The following GPC5 variants were observed in gnomAD, a reference collection of about 807,000 sequenced individuals.
The protein encoded by GPC5 is glypican-5.
In GPC5, 47 loss-of-function variants were observed where a neutral mutation model predicts 53.9. That is an observed-to-expected ratio of 0.87 (90% CI 0.69 to 1.11). The LOEUF (loss-of-function observed/expected upper bound fraction) is 1.11, where lower values mean the gene tolerates loss of function less well. Ranked by LOEUF, GPC5 falls within the 50% of genes most tolerant of loss-of-function variation. The probability of loss-of-function intolerance (pLI) is 0.00; values close to 1 mark genes in which losing one functional copy is unlikely to be tolerated. For synonymous variants in GPC5, 286 were observed against 263.3 expected (o/e 1.09, Z -0.84); for missense variants, 748 against 713.1 (o/e 1.05, Z -0.56).
At position 92,363,277 on chromosome 13, in the gene GPC5, G is replaced by A. The variant is rs544360777; in HGVS notation, c.1561+218288G>A. Among the ~76,000 whole-genome samples, 20 of 151,684 alleles carry A rather than the reference G, an allele frequency of 1.3e-4. 2 individuals carry two copies. The highest frequency in any genetic ancestry group is 4.9e-4 in the African/African-American group (20 of 41,004). On this transcript the variant is annotated intron_variant, in intron 7 of 7. Coordinates refer to ENST00000377067, the MANE Select transcript of GPC5 (RefSeq NM_004466.6). Reference sequence around the variant, plus strand: ...TAATACATGTGTTACTGGGCTACTGGATAGAATTGTCAGAAGGTTATCATC... The same window carrying A: ...TAATACATGTGTTACTGGGCTACTGAATAGAATTGTCAGAAGGTTATCATC...
chr13:92,059,000 TA>T (rs1411027595), intron 6 of GPC5, among the ~76,000 whole-genome samples: 1 of 152,214 alleles, frequency 6.6e-6, no homozygotes, highest in African/African-American at 2.4e-5. Flanking sequence ...TTTTTGCTCA[TA>T]AAAAACTTGA....
At chr13:92,381,207 A>G (rs1300953221) in intron 7 of GPC5, among the ~76,000 whole-genome samples, 1 of 152,172 alleles carries the variant, frequency 6.6e-6, no homozygotes. Context: ...TTCTCTACTC[A>G]TAACAAAGTT....
chr13:92,077,774 C>T (rs1460368787), intron 6 of GPC5, among the ~76,000 whole-genome samples: 1 of 152,010 alleles, frequency 6.6e-6, no homozygotes, highest in African/African-American at 2.4e-5. Context: ...GAGAAACTGT[C>T]CTTTAAGGAC....
In GPC5 at chr13:92,201,426, G is replaced by T. The variant is rs143013051; in HGVS notation, c.1561+56437G>T. On this transcript the variant is annotated intron_variant, in intron 7 of 7. Coordinates refer to ENST00000377067, the MANE Select transcript of GPC5 (RefSeq NM_004466.6). Reference sequence around the variant, plus strand: ...AGTGTTGGGTTCAACTGTCATAGAAGATATCTTTAAAACAGGTTACACTAT... The same window carrying T: ...AGTGTTGGGTTCAACTGTCATAGAATATATCTTTAAAACAGGTTACACTAT... Among the ~76,000 whole-genome samples the T allele has an allele frequency of 3.3e-3, 504 of 152,238 alleles. 1 individual carries two copies. The highest frequency in any genetic ancestry group is 0.011 in the African/African-American group (475 of 41,538).
chr13:92,080,218 G>A (rs532860690), intron 6 of GPC5, among the ~76,000 whole-genome samples: 3 of 151,774 alleles, frequency 2.0e-5, no homozygotes, highest in Admixed American at 6.6e-5. Context: ...CTGCACCATC[G>A]TTCTCCACAG....
intron 3 of GPC5, among the ~76,000 whole-genome samples, chr13:91,695,459 C>T (rs781286843): frequency 3.9e-5 from 6 of 152,212 alleles, no homozygotes; most frequent in Admixed American, 6.5e-5. Context: ...CTGCAAGCTC[C>T]GCCTTCCGGG....
intron 2 of GPC5, among the ~76,000 whole-genome samples, chr13:91,623,875 T>C (rs2033931575): frequency 6.6e-6 from 1 of 152,084 alleles, no homozygotes; most frequent in African/African-American, 2.4e-5. Flanking sequence ...TTGTATCTTA[T>C]GGTAATGGGA....
chr13:92,023,825 A>C lies in GPC5; in HGVS notation c.1401+115768A>C, dbSNP rs1276666385. Among the ~76,000 whole-genome samples the C allele has an allele frequency of 3.3e-5, 5 of 152,258 alleles. No individual in the cohort carries two copies. In the East Asian group the frequency reaches 9.6e-4, roughly 29 times the overall value. On this transcript the variant is annotated intron_variant, in intron 6 of 7. Transcript: ENST00000377067. The stretch of plus-strand genomic sequence containing the variant: ...GGGAAATAACCTACATTTTACATGG[A>C]GCCTTTCAAAATTATTCCCAAGACT...
chr13:92,057,917 A>G (rs72635436), intron 6 of GPC5, among the ~76,000 whole-genome samples: 6,306 of 152,254 alleles, frequency 0.041, 172 homozygotes, highest in Non-Finnish European at 0.057. Context: ...AAAGCATTGT[A>G]TAGCTGTCTC....
At chr13:92,701,687 C>A (rs1887747560) in intron 7 of GPC5, among the ~76,000 whole-genome samples, 1 of 151,916 alleles carries the variant, frequency 6.6e-6, no homozygotes, top group African/African-American at 2.4e-5. Flanking sequence ...AGTGCAATAT[C>A]TATAGAGGCC....
chr13:91,578,161 A>G (rs1268901017), intron 2 of GPC5, among the ~76,000 whole-genome samples: 1 of 152,212 alleles, frequency 6.6e-6, no homozygotes, highest in Non-Finnish European at 1.5e-5. Flanking sequence ...GCCTTCTGCC[A>G]ACAGCCATGC....
intron 2 of GPC5, among the ~76,000 whole-genome samples, chr13:91,594,325 T>C (rs1336215): frequency 0.88 from 133,270 of 152,170 alleles, 59,547 homozygotes; most frequent in Non-Finnish European, 0.96. Context: ...TTTTCAGATA[T>C]GACTGTATGG....
chr13:92,331,857 A>T (rs947265566), intron 7 of GPC5, among the ~76,000 whole-genome samples: 3 of 152,098 alleles, frequency 2.0e-5, no homozygotes, highest in Non-Finnish European at 1.5e-5. Flanking sequence ...CATGCTTACC[A>T]TGATGCACTC....
intron 7 of GPC5, among the ~76,000 whole-genome samples, chr13:92,683,271 G>A (rs764804470): frequency 6.6e-6 from 1 of 152,174 alleles, no homozygotes; most frequent in Non-Finnish European, 1.5e-5. Context: ...TCCCAAGGAT[G>A]GAGACCAAAG....
chr13:92,773,389 C>T (rs1409263), intron 7 of GPC5, among the ~76,000 whole-genome samples: 3,588 of 152,090 alleles, frequency 0.024, 61 homozygotes, highest in Non-Finnish European at 0.036. Context: ...TTTCTGCTGG[C>T]TGAACATGAC....
rs1491353283 is a variant in GPC5 at position 91,650,750 on chromosome 13, G to GTTTTTGTTTTTTTT, written c.326-42432_326-42431insGTTTTTTTTTTTTT. ...CATCTGTGAAACAAAATTCCCATAA[G>GTTTTTGTTTTTTTT]TTTTTTTTTTTTTTTTTTTTTTAGC... is the stretch of plus-strand genomic sequence containing the variant. On this transcript the variant is annotated intron_variant, in intron 2 of 7. Coordinates refer to ENST00000377067, the MANE Select transcript of GPC5 (RefSeq NM_004466.6). 1.5e-4 allele frequency among the ~76,000 whole-genome samples: 15 copies of GTTTTTGTTTTTTTT among 99,600 alleles called. 1 individual carries two copies. The highest frequency in any genetic ancestry group is 3.3e-4 in the East Asian group (1 of 3,042). 65.3% of individuals were successfully genotyped at this position (99,600 alleles called of 152,430 possible). A position where few individuals can be genotyped will look rare whatever the true frequency, so the allele number is the denominator to read the frequency against.
At chr13:91,675,927 T>A (rs1215132965) in intron 2 of GPC5, among the ~76,000 whole-genome samples, 37 of 152,206 alleles carry the variant, frequency 2.4e-4, no homozygotes, top group Admixed American at 2.4e-3. Context: ...GTGGTTCGAC[T>A]TTTAGAAATG....
At chr13:92,452,522 T>C (rs568771190) in intron 7 of GPC5, among the ~76,000 whole-genome samples, 1 of 152,250 alleles carries the variant, frequency 6.6e-6, no homozygotes, top group South Asian at 2.1e-4. Context: ...CTAATTCACA[T>C]TTAATACTTA....
At chr13:92,195,723 G>A (rs1477380024) in intron 7 of GPC5, among the ~76,000 whole-genome samples, 3 of 152,200 alleles carry the variant, frequency 2.0e-5, no homozygotes, top group Admixed American at 6.5e-5. Context: ...AACAGTGACT[G>A]TAATAAACTC....
Sources: allele counts gnomAD v4.1 joint callset (sites outside exome capture counted in the v4.1 genomes callset), GRCh38; gene constraint gnomAD v4.1.1; transcripts MANE v1.5; gene names NCBI Gene and HGNC (gene_info 2026-07-23, HGNC 2026-07-21).